PCDHA3: variants seen among roughly 807,000 people sequenced by gnomAD.
PCDHA3 encodes the protein protocadherin alpha-3.
A neutral mutation model predicts 62.2 loss-of-function variants in PCDHA3; 41 were observed. That is an observed-to-expected ratio of 0.66 (90% confidence interval 0.51 to 0.86). The LOEUF is 0.86. PCDHA3 is among the 40% of genes least tolerant of loss of function. The pLI is 0.00. For missense variants in PCDHA3, 1,304 were observed against 1,241.2 expected, an observed-to-expected ratio of 1.05 and a Z score of -0.76; for synonymous variants, 640 against 555.4, an observed-to-expected ratio of 1.15 and a Z score of -2.14.
chr5:140,882,164 C>T (rs2058984922), intron 1 of PCDHA3: 2 of 1,509,832 alleles, frequency 1.3e-6, no homozygotes. Flanking sequence ...ATACCTCTTG[C>T]GAATCCTTCC....
At chr5:140,929,322 C>T in intron 1 of PCDHA3, 1 of 1,540,684 alleles carries the variant, frequency 6.5e-7, no homozygotes, top group Non-Finnish European at 8.8e-7. Context: ...ATGTCAATGC[C>T]ATGGTAAGCA....
intron 1 of PCDHA3, chr5:140,842,572 A>G (rs3733705): frequency 3.9e-6 from 6 of 1,538,104 alleles, no homozygotes; most frequent in South Asian, 1.1e-5. Flanking sequence ...ACCGCGAGAG[A>G]GTGTCGGCCT....
At chr5:140,989,863 TTCTC>T (rs2097364159) in intron 3 of PCDHA3, among the ~76,000 whole-genome samples, 1 of 151,988 alleles carries the variant, frequency 6.6e-6, no homozygotes, top group Non-Finnish European at 1.5e-5. Flanking sequence ...AGAGGAATCT[TTCTC>T]TGCCTCAGCA....
chr5:140,823,110 C>T (rs1554129143), intron 1 of PCDHA3: 2 of 1,613,884 alleles, frequency 1.2e-6, no homozygotes, highest in Admixed American at 1.7e-5. Flanking sequence ...TGGAAGTGGC[C>T]GACGTGAACG....
chr5:140,877,689 G>A (rs1554169989), intron 1 of PCDHA3: 2 of 1,613,914 alleles, frequency 1.2e-6, no homozygotes, highest in Non-Finnish European at 8.5e-7. Flanking sequence ...AGCCCACGCT[G>A]GTGTGCTCCA....
intron 1 of PCDHA3, among the ~76,000 whole-genome samples, chr5:140,923,038 T>C (rs529637754): frequency 1.2e-4 from 19 of 152,316 alleles, no homozygotes; most frequent in Admixed American, 1.0e-3. Context: ...TTACTACATG[T>C]ATAGTATTTA....
intron 1 of PCDHA3, among the ~76,000 whole-genome samples, chr5:140,936,139 C>T (rs1166879357): frequency 6.6e-6 from 1 of 152,078 alleles, no homozygotes; most frequent in Non-Finnish European, 1.5e-5. Flanking sequence ...GTGATCTGCC[C>T]GCCTTGGCCT....
intron 1 of PCDHA3, among the ~76,000 whole-genome samples, chr5:140,953,914 T>A (rs1554221128): frequency 6.6e-6 from 1 of 152,134 alleles, no homozygotes; most frequent in South Asian, 2.1e-4. Context: ...ATCCATTAGG[T>A]ATTCTTCCTG....
intron 1 of PCDHA3, chr5:140,876,546 T>A (rs782795906): frequency 6.2e-7 from 1 of 1,614,218 alleles, no homozygotes; most frequent in Non-Finnish European, 8.5e-7. Context: ...TGTCGCTCCC[T>A]GTGCAAGAGG....
intron 1 of PCDHA3, among the ~76,000 whole-genome samples, chr5:140,972,656 C>T (rs1428322208): frequency 6.9e-6 from 1 of 144,688 alleles, no homozygotes; most frequent in Non-Finnish European, 1.5e-5. Context: ...TAAAAAGAAA[C>T]CAAATTTTTT....
At chr5:140,959,494 T>G (rs2153722388) in intron 1 of PCDHA3, among the ~76,000 whole-genome samples, 1 of 152,286 alleles carries the variant, frequency 6.6e-6, no homozygotes, top group South Asian at 2.1e-4. Flanking sequence ...TATATATGGA[T>G]CAAACTAAAA....
At chr5:140,871,314 G>C (rs199741530) in intron 1 of PCDHA3, 3 of 1,614,048 alleles carry the variant, frequency 1.9e-6, no homozygotes, top group Admixed American at 3.3e-5. Flanking sequence ...GGAAGCCCAC[G>C]CTGGTGTGCT....
At chr5:140,886,555 C>T (rs1441725788) in intron 1 of PCDHA3, among the ~76,000 whole-genome samples, 3 of 151,830 alleles carry the variant, frequency 2.0e-5, no homozygotes, top group Non-Finnish European at 4.4e-5. Context: ...CAGCTGGGCA[C>T]GGTGGCTCAC....
rs1279359347 is a variant in PCDHA3 at position 141,012,130 on chromosome 5, C to T, written c.*2193C>T. ...ACTGAAGCCCATGTATCTGACCTTA[C>T]GTGCCTTTTGAACTAGGAGAATCGG... On this transcript the variant is annotated 3_prime_UTR_variant, in exon 4 of 4. Coordinates refer to ENST00000522353, the MANE Select transcript of PCDHA3 (RefSeq NM_018906.3). The T allele has an allele frequency of 2.0e-5, 3 of 153,796 alleles. No individual in the cohort carries two copies. The highest frequency in any genetic ancestry group is 1.9e-4 in the East Asian group (1 of 5,172). 9.5% of individuals were successfully genotyped at this position (153,796 alleles called of 1,614,324 possible). A position where few individuals can be genotyped will look rare whatever the true frequency, so the allele number is the denominator to read the frequency against.
intron 1 of PCDHA3, chr5:140,829,672 G>T: frequency 6.2e-7 from 1 of 1,613,008 alleles, no homozygotes; most frequent in South Asian, 1.1e-5. Context: ...ACCACGAGGA[G>T]CTAGAGCTGC....
chr5:140,853,428 C>A, intron 1 of PCDHA3: 1 of 985,626 alleles, frequency 1.0e-6, no homozygotes, highest in African/African-American at 1.8e-5. Flanking sequence ...AGAAGAGACA[C>A]TTTCCTATTT....
chr5:141,004,094 G>A (rs962663466), intron 3 of PCDHA3, among the ~76,000 whole-genome samples: 1 of 152,194 alleles, frequency 6.6e-6, no homozygotes, highest in Non-Finnish European at 1.5e-5. Context: ...TGCTTCTTCC[G>A]TTTTCATCTT....
intron 1 of PCDHA3, chr5:140,849,824 G>A (rs2150452119): frequency 3.1e-6 from 5 of 1,598,646 alleles, no homozygotes; most frequent in Non-Finnish European, 2.6e-6. Flanking sequence ...GGGTGTCTGT[G>A]GAGGTGGCCG....
At chr5:140,929,192 A>C (rs1367500775) in intron 1 of PCDHA3, 1 of 1,614,124 alleles carries the variant, frequency 6.2e-7, no homozygotes, top group Non-Finnish European at 8.5e-7. Context: ...TCTGATAATA[A>C]CAGTTTGCTG....
Sources: gnomAD v4.1 joint callset for allele counts (sites outside exome capture counted in the v4.1 genomes callset) on GRCh38, gnomAD v4.1.1 for gene constraint, MANE v1.5 for transcripts, NCBI Gene and HGNC (gene_info 2026-07-23, HGNC 2026-07-21) for gene names.